Variants in ATRX observed in about 807,000 individuals in gnomAD.
The protein encoded by ATRX is chromatin remodeler ATRX.
ATRX carries 12 observed loss-of-function variants against 172.6 expected under a neutral mutation model. The ratio of observed to expected loss-of-function variants is 0.07; its 90% CI spans 0.04 to 0.11. The LOEUF (loss-of-function observed/expected upper bound fraction) is 0.11, where lower values mean the gene tolerates loss of function less well. ATRX is among the 10% of genes least tolerant of loss of function. The probability of loss-of-function intolerance (pLI) is 1.00; values close to 1 mark genes in which losing one functional copy is unlikely to be tolerated. For missense variants in ATRX, 1,368 were observed against 1,767.4 expected, an observed-to-expected ratio of 0.77 and a Z score of 4.05; for synonymous variants, 674 against 594.7, an observed-to-expected ratio of 1.13 and a Z score of -1.94.
At chrX:77,579,293 A>C (rs1250365445) in intron 27 of ATRX, among the ~76,000 whole-genome samples, 1 of 112,163 alleles carries the variant, frequency 8.9e-6, no homozygotes, top group Non-Finnish European at 1.9e-5. Context: ...GCCTTGAGCA[A>C]ACATAGGCAG....
chrX:77,762,508 G>A lies in ATRX; in HGVS notation c.20+23474C>T, dbSNP rs1222869537. On this transcript the variant is annotated intron_variant, in intron 1 of 34. Transcript: ENST00000373344. ...AGAAAAGTTCAAAATGGGAAGCACT[G>A]GAACCATAGAGACTATGAGTTGTCA... 2.4e-4 allele frequency among the ~76,000 whole-genome samples: 26 copies of A among 110,454 alleles called. No homozygotes were observed. The Admixed American group carries it at 2.5e-3, about 11-fold the overall frequency.
intron 22 of ATRX, among the ~76,000 whole-genome samples, chrX:77,615,434 A>G (rs2067316263): frequency 8.9e-6 from 1 of 112,044 alleles, no homozygotes; most frequent in African/African-American, 3.2e-5. Flanking sequence ...CTCAGAGATT[A>G]ATTAAAGACA....
intron 22 of ATRX, chrX:77,616,330 TG>T: frequency 1.1e-6 from 1 of 928,141 alleles, no homozygotes; most frequent in Non-Finnish European, 1.4e-6. Context: ...TCTTCTTTTA[TG>T]GATTTATTCA....
chrX:77,743,831 A>T (rs2074967771), intron 1 of ATRX, among the ~76,000 whole-genome samples: 1 of 111,961 alleles, frequency 8.9e-6, no homozygotes, highest in African/African-American at 3.2e-5. Context: ...GGAACTGCCA[A>T]CACAGTTACC....
intron 1 of ATRX, among the ~76,000 whole-genome samples, chrX:77,745,672 G>C (rs1157510925): frequency 9.0e-6 from 1 of 111,147 alleles, no homozygotes; most frequent in Non-Finnish European, 1.9e-5. Context: ...TAGTTAGATA[G>C]AATGAATAAG....
intron 6 of ATRX, chrX:77,690,770 C>G (rs1437055565): frequency 8.9e-6 from 1 of 112,233 alleles, no homozygotes; most frequent in Admixed American, 9.4e-5. Flanking sequence ...AATGTAGAAT[C>G]TGAATGTTCA....
chrX:77,707,157 A>G (rs921254253), intron 2 of ATRX, among the ~76,000 whole-genome samples: 9 of 112,027 alleles, frequency 8.0e-5, no homozygotes, highest in Non-Finnish European at 3.8e-5. Context: ...AAGTTCCTAG[A>G]GTAGTCAAAT....
chrX:77,759,201 C>T (rs1034743845), intron 1 of ATRX, among the ~76,000 whole-genome samples: 1 of 111,397 alleles, frequency 9.0e-6, no homozygotes, highest in African/African-American at 3.3e-5. Context: ...ACAAAAACAT[C>T]GACCAGGATG....
At chrX:77,712,889 A>C (rs782336466) in intron 2 of ATRX, among the ~76,000 whole-genome samples, 2 of 110,791 alleles carry the variant, frequency 1.8e-5, no homozygotes, top group Non-Finnish European at 3.8e-5. Context: ...AGTGGCTCAC[A>C]CTTGTAATCC....
intron 15 of ATRX, among the ~76,000 whole-genome samples, chrX:77,646,205 G>C (rs1197649086): frequency 1.8e-5 from 2 of 111,461 alleles, no homozygotes; most frequent in Admixed American, 9.5e-5. Flanking sequence ...CCAAATACTG[G>C]TTATCTAAAA....
At chrX:77,741,432 CTTT>C (rs200957734) in intron 1 of ATRX, among the ~76,000 whole-genome samples, 1 of 103,859 alleles carries the variant, frequency 9.6e-6, no homozygotes, top group Non-Finnish European at 2.0e-5. Context: ...TGATAGTGAC[CTTT>C]TTTTTGGGGG....
chrX:77,712,672 T>TA (rs1243021245), intron 2 of ATRX, among the ~76,000 whole-genome samples: 1 of 109,443 alleles, frequency 9.1e-6, no homozygotes, highest in African/African-American at 3.3e-5. Context: ...CCACTAAAAA[T>TA]ACAAAAATTA....
At chrX:77,638,185 C>T (rs1011474887) in intron 15 of ATRX, among the ~76,000 whole-genome samples, 1 of 111,542 alleles carries the variant, frequency 9.0e-6, no homozygotes, top group Non-Finnish European at 1.9e-5. Context: ...AACTTAAGGC[C>T]GGGCACGGTC....
chrX:77,680,022 C>G (rs1350867447), intron 9 of ATRX, among the ~76,000 whole-genome samples: 3 of 111,557 alleles, frequency 2.7e-5, no homozygotes, highest in Non-Finnish European at 5.7e-5. Context: ...TAAGAGGGTA[C>G]CAAAGACAAT....
At chrX:77,512,837 T>A (rs984399808) in intron 34 of ATRX, among the ~76,000 whole-genome samples, 16 of 110,784 alleles carry the variant, frequency 1.4e-4, no homozygotes, top group African/African-American at 5.3e-4. Flanking sequence ...GCCACTGCAC[T>A]CCAGCCTGGG....
chrX:77,519,861 T>A (rs892751852), intron 34 of ATRX, among the ~76,000 whole-genome samples: 2 of 111,830 alleles, frequency 1.8e-5, no homozygotes, highest in Non-Finnish European at 3.8e-5. Flanking sequence ...CACTCTCATG[T>A]TTATTGTAGC....
intron 30 of ATRX, among the ~76,000 whole-genome samples, chrX:77,539,890 ATG>A (rs2063903656): frequency 8.9e-6 from 1 of 112,035 alleles, no homozygotes; most frequent in Non-Finnish European, 1.9e-5. Context: ...CATCAACGCT[ATG>A]AAGAAACTGC....
intron 27 of ATRX, among the ~76,000 whole-genome samples, chrX:77,588,354 C>T (rs2066109451): frequency 8.9e-6 from 1 of 111,909 alleles, no homozygotes; most frequent in African/African-American, 3.2e-5. Flanking sequence ...TAAAGCTTCA[C>T]GACTTTTTAT....
At chrX:77,649,908 G>T (rs568785093) in intron 15 of ATRX, among the ~76,000 whole-genome samples, 54 of 111,695 alleles carry the variant, frequency 4.8e-4, no homozygotes, top group South Asian at 2.2e-3. Flanking sequence ...TCAAAAATCA[G>T]GAATTACTTG....
Sources: gnomAD v4.1 joint callset for allele counts (sites outside exome capture counted in the v4.1 genomes callset) on GRCh38, gnomAD v4.1.1 for gene constraint, MANE v1.5 for transcripts, NCBI Gene and HGNC (gene_info 2026-07-23, HGNC 2026-07-21) for gene names.